SOX6: variants seen among roughly 807,000 people sequenced by gnomAD.
SOX6 encodes the protein transcription factor SOX-6.
SOX6 carries 11 observed loss-of-function variants against 97.8 expected under a neutral mutation model. The ratio of observed to expected loss-of-function variants is 0.11; its 90% CI spans 0.07 to 0.19. SOX6 has a LOEUF of 0.19. SOX6 is among the 10% of genes least tolerant of loss of function. The pLI is 1.00. For missense variants in SOX6, 810 were observed against 1,039.5 expected, an observed-to-expected ratio of 0.78 and a Z score of 3.04; for synonymous variants, 360 against 371.4, an observed-to-expected ratio of 0.97 and a Z score of 0.35.
chr11:16,540,250 G>T (rs989571168), intron 4 of SOX6, among the ~76,000 whole-genome samples: 1 of 152,018 alleles, frequency 6.6e-6, no homozygotes, highest in African/African-American at 2.4e-5. Flanking sequence ...TGCAGAAAAG[G>T]CCTTCGACGA....
chr11:16,347,362 G>T (rs1489384115), intron 1 of SOX6, among the ~76,000 whole-genome samples: 3 of 152,052 alleles, frequency 2.0e-5, no homozygotes, highest in Non-Finnish European at 4.4e-5. Flanking sequence ...GCTTTGGAAA[G>T]CCAGGCCCAG....
intron 3 of SOX6, among the ~76,000 whole-genome samples, chr11:16,626,654 CCAA>C (rs1848627468): frequency 6.6e-6 from 1 of 152,088 alleles, no homozygotes; most frequent in Non-Finnish European, 1.5e-5. Flanking sequence ...TTTAACACCA[CCAA>C]CTTTTTCAGT....
At chr11:16,035,073 A>G (rs1855482359) in intron 12 of SOX6, among the ~76,000 whole-genome samples, 1 of 152,222 alleles carries the variant, frequency 6.6e-6, no homozygotes, top group Non-Finnish European at 1.5e-5. Context: ...AAAGACATGA[A>G]CATTCACAAA....
chr11:16,325,680 A>G (rs535379003), intron 2 of SOX6, among the ~76,000 whole-genome samples: 1 of 152,284 alleles, frequency 6.6e-6, no homozygotes, highest in East Asian at 1.9e-4. Flanking sequence ...TTTCTAATAA[A>G]TCTAATTATT....
chr11:16,551,468 G>C (rs1467696713), intron 4 of SOX6, among the ~76,000 whole-genome samples: 1 of 152,040 alleles, frequency 6.6e-6, no homozygotes, highest in Non-Finnish European at 1.5e-5. Context: ...TTTTCAGATT[G>C]TCTCCAATCT....
At chr11:16,705,731 T>G (rs1395383697) in intron 3 of SOX6, among the ~76,000 whole-genome samples, 3 of 152,154 alleles carry the variant, frequency 2.0e-5, no homozygotes, top group Admixed American at 6.5e-5. Flanking sequence ...AGAAGCAAAG[T>G]TTTGTATTCT....
At chr11:16,034,320 G>T (rs761371244) in intron 12 of SOX6, among the ~76,000 whole-genome samples, 9 of 152,158 alleles carry the variant, frequency 5.9e-5, no homozygotes, top group Non-Finnish European at 1.0e-4. Context: ...AACCAATGCT[G>T]TTGACATTAT....
chr11:16,138,081 C>T (rs1297055242), intron 6 of SOX6, among the ~76,000 whole-genome samples: 2 of 152,200 alleles, frequency 1.3e-5, no homozygotes, highest in African/African-American at 4.8e-5. Flanking sequence ...TATTTCTTCA[C>T]ATTTACTATA....
intron 6 of SOX6, among the ~76,000 whole-genome samples, chr11:16,155,800 C>T (rs1296734555): frequency 6.6e-6 from 1 of 152,008 alleles, no homozygotes; most frequent in Admixed American, 6.6e-5. Flanking sequence ...AAATTTATTT[C>T]CCTTATTCAC....
intron 6 of SOX6, among the ~76,000 whole-genome samples, chr11:16,122,015 C>A (rs1333120360): frequency 1.3e-5 from 2 of 151,912 alleles, no homozygotes; most frequent in Admixed American, 1.3e-4. Flanking sequence ...CCTTAAGGAT[C>A]TATTAGTGGG....
intron 4 of SOX6, among the ~76,000 whole-genome samples, chr11:16,502,012 C>T (rs1490496603): frequency 2.0e-5 from 3 of 152,102 alleles, no homozygotes; most frequent in Admixed American, 6.6e-5. Context: ...CACATGCACA[C>T]GTATGTTTAT....
upstream of SOX6, among the ~76,000 whole-genome samples, chr11:16,357,266 A>G (rs185203593): frequency 1.3e-5 from 2 of 152,210 alleles, no homozygotes; most frequent in African/African-American, 4.8e-5. Flanking sequence ...AAAAATAGGC[A>G]CCCTGGCCAG....
intron 4 of SOX6, among the ~76,000 whole-genome samples, chr11:16,501,971 C>T (rs962368831): frequency 2.0e-5 from 3 of 152,090 alleles, no homozygotes; most frequent in African/African-American, 4.8e-5. Flanking sequence ...GGTATATACC[C>T]AAAGGATTAT....
chr11:16,017,477 G>T (rs981496339), intron 12 of SOX6, among the ~76,000 whole-genome samples: 12 of 152,168 alleles, frequency 7.9e-5, no homozygotes, highest in African/African-American at 2.6e-4. Context: ...GCAAAGCCAT[G>T]CCATTTCATA....
chr11:16,104,514 T>C (rs1258648803), intron 7 of SOX6, among the ~76,000 whole-genome samples: 1 of 151,982 alleles, frequency 6.6e-6, no homozygotes, highest in Non-Finnish European at 1.5e-5. Flanking sequence ...TTTCTTATTT[T>C]CTTTTAATAA....
chr11:16,273,389 T>C (rs566239504), intron 3 of SOX6, among the ~76,000 whole-genome samples: 2 of 152,058 alleles, frequency 1.3e-5, no homozygotes, highest in Non-Finnish European at 2.9e-5. Context: ...GGGCTATTTC[T>C]GTCTGACAGA....
intron 4 of SOX6, among the ~76,000 whole-genome samples, 197 bp from the exon 5 acceptor site, chr11:16,187,152 T>C (rs1046491498): frequency 6.6e-6 from 1 of 152,102 alleles, no homozygotes; most frequent in Admixed American, 6.6e-5. Context: ...TCACTGTTCC[T>C]GCCAAGAGAA....
chr11:16,092,736 C>A (rs1025180109), intron 9 of SOX6, among the ~76,000 whole-genome samples: 2 of 151,594 alleles, frequency 1.3e-5, no homozygotes, highest in Non-Finnish European at 2.9e-5. Context: ...TAAGCTACAA[C>A]TATGAGGCAA....
At chr11:16,042,770 A>G (rs767164286) in intron 12 of SOX6, among the ~76,000 whole-genome samples, 3 of 152,144 alleles carry the variant, frequency 2.0e-5, no homozygotes, top group Admixed American at 1.3e-4. Context: ...GTGTGATAAT[A>G]GTGTCCACTG....
Sources: gnomAD v4.1 joint callset for allele counts (sites outside exome capture counted in the v4.1 genomes callset) on GRCh38, gnomAD v4.1.1 for gene constraint, MANE v1.5 for transcripts, NCBI Gene and HGNC (gene_info 2026-07-23, HGNC 2026-07-21) for gene names.